DDX60: variants seen among roughly 807,000 people sequenced by gnomAD.
DDX60 encodes the protein probable ATP-dependent RNA helicase DDX60.
In DDX60, 165 loss-of-function variants were observed where a neutral mutation model predicts 212.8. The observed-to-expected ratio is 0.78, with a 90% CI of 0.68 to 0.88. The LOEUF (loss-of-function observed/expected upper bound fraction) is 0.88. Ranked by LOEUF, DDX60 falls within the 40% of genes least tolerant of loss-of-function variation. The pLI is 0.00. For missense variants in DDX60, 1,905 were observed against 2,003.9 expected, an observed-to-expected ratio of 0.95 and a Z score of 0.94; for synonymous variants, 703 against 685.3, an observed-to-expected ratio of 1.03 and a Z score of -0.40.
chr4:168,217,566 G>T (rs1237414902), intron 37 of DDX60, among the ~76,000 whole-genome samples: 1 of 152,178 alleles, frequency 6.6e-6, no homozygotes, highest in Non-Finnish European at 1.5e-5. Flanking sequence ...AGGTTACATG[G>T]CAAAGGGGAA....
At chr4:168,260,281 C>A (rs1485505335) in intron 25 of DDX60, among the ~76,000 whole-genome samples, 1 of 152,140 alleles carries the variant, frequency 6.6e-6, no homozygotes, top group East Asian at 1.9e-4. Context: ...CACCCCACAA[C>A]AGGCCCCGGT....
At chr4:168,296,874 CTTT>C (rs35177897) in intron 6 of DDX60, among the ~76,000 whole-genome samples, 9 of 134,760 alleles carry the variant, frequency 6.7e-5, no homozygotes, top group Admixed American at 1.5e-4. Context: ...AAAAAGTGAT[CTTT>C]TTTTTTTTTT....
chr4:168,270,858 CT>C (rs200092171), intron 19 of DDX60, among the ~76,000 whole-genome samples: 9,954 of 145,198 alleles, frequency 0.069, 622 homozygotes, highest in African/African-American at 0.16. Context: ...AATATTCCCC[CT>C]TTTTTTTCTT....
upstream of DDX60, chr4:168,318,906 C>T (rs1477683061): frequency 1.3e-5 from 2 of 152,214 alleles, no homozygotes; most frequent in African/African-American, 4.8e-5. Context: ...CAATCAGAAT[C>T]TTAAGAAGGG....
At chr4:168,283,340 C>T (rs1338058858) in intron 13 of DDX60, 106 bp downstream of exon 13, 2 of 924,822 alleles carry the variant, frequency 2.2e-6, no homozygotes, top group African/African-American at 1.7e-5. Context: ...ATATAAATAT[C>T]AAGAAAAGGC....
chr4:168,324,791 T>A, the DDX60 span, among the ~76,000 whole-genome samples: 12 of 152,204 alleles, frequency 7.9e-5, no homozygotes, highest in Admixed American at 5.2e-4. Context: ...CTTGAATGAG[T>A]ATCCCAAATG....
At chr4:168,267,419 A>C (rs1188972817) in intron 22 of DDX60, among the ~76,000 whole-genome samples, 163 bp downstream of exon 22, 1 of 152,212 alleles carries the variant, frequency 6.6e-6, no homozygotes, top group Admixed American at 6.5e-5. Context: ...AGAATTAGAA[A>C]GAATACTCTT....
Position 168,216,695 on chromosome 4 carries a change from T to G in DDX60, c.*238A>C. 1 of 333,982 alleles carries G rather than the reference T, an allele frequency of 3.0e-6. No individual in the cohort carries two copies. Among genetic ancestry groups the G allele is most frequent in the Non-Finnish European group, 5.4e-6 (1 of 186,640 alleles). The allele number at this position is 333,982 out of a possible 1,614,324, so 20.7% of individuals were successfully genotyped here. On this transcript the variant is annotated 3_prime_UTR_variant, in exon 38 of 38. Transcript: ENST00000393743. ...CTACCTGAGATGTAACCATTATTAC[T>G]CAGTTATAAAAAGAAACCAAGATTC...
intron 25 of DDX60, among the ~76,000 whole-genome samples, chr4:168,260,361 G>A (rs1326245820): frequency 3.3e-5 from 5 of 152,172 alleles, no homozygotes; most frequent in South Asian, 2.1e-4. Context: ...GAGAACATGC[G>A]GTTTTTAAAC....
intron 6 of DDX60, 45 bp downstream of exon 6, chr4:168,302,255 T>G (rs1736677257): frequency 1.9e-6 from 2 of 1,078,930 alleles, no homozygotes; most frequent in Middle Eastern, 2.8e-4. Context: ...TTTCTATAAC[T>G]AAAAACTTAG....
intron 30 of DDX60, among the ~76,000 whole-genome samples, chr4:168,239,211 T>C (rs1372426086): frequency 2.0e-5 from 3 of 151,914 alleles, no homozygotes; most frequent in Admixed American, 6.6e-5. Flanking sequence ...GTGGAAAATA[T>C]AGAGAAAATA....
chr4:168,231,781 G>A (rs192073142), intron 33 of DDX60, among the ~76,000 whole-genome samples: 291 of 152,120 alleles, frequency 1.9e-3, no homozygotes, highest in Non-Finnish European at 3.8e-3. Context: ...AAAGTAGAAA[G>A]CATTCTCCCT....
intron 25 of DDX60, among the ~76,000 whole-genome samples, chr4:168,259,211 T>A (rs1261110748): frequency 6.6e-6 from 1 of 152,218 alleles, no homozygotes; most frequent in African/African-American, 2.4e-5. Context: ...GTGGTAGAAG[T>A]AAAATTTTGC....
At chr4:168,238,236 C>CA (rs57638327) in intron 30 of DDX60, among the ~76,000 whole-genome samples, 24,901 of 79,036 alleles carry the variant, frequency 0.32, 2,541 homozygotes, top group Non-Finnish European at 0.4. Flanking sequence ...TATGAAATTC[C>CA]AAAAAAAAAA....
At chr4:168,240,470 T>C (rs1406798901) in intron 30 of DDX60, among the ~76,000 whole-genome samples, 1 of 152,092 alleles carries the variant, frequency 6.6e-6, no homozygotes, top group African/African-American at 2.4e-5. Context: ...AGAAAAAAAC[T>C]ATTTTAAAAT....
At chr4:168,290,186 T>A (rs2149533783) in intron 8 of DDX60, among the ~76,000 whole-genome samples, 1 of 152,302 alleles carries the variant, frequency 6.6e-6, no homozygotes, top group Non-Finnish European at 1.5e-5. Flanking sequence ...TCCTTGGTTA[T>A]GCCATCCTCG....
intron 19 of DDX60, among the ~76,000 whole-genome samples, 199 bp downstream of exon 19, chr4:168,271,843 TC>T (rs1041332468): frequency 6.6e-6 from 1 of 152,002 alleles, no homozygotes; most frequent in African/African-American, 2.4e-5. Flanking sequence ...GCAGGGTGCA[TC>T]ATTTTACCCT....
Position 168,275,401 on chromosome 4 carries a change from C to T in DDX60, c.2248G>A (p.Asp750Asn). ...LQYMGHYLIR[D>N]ERKDPDPRVQ... Reference sequence around the variant, plus strand: ...CTGGGATCTGGGTCTTTTCTCTCATCTCGTATCAAATAATGGCCCATGTAT... The same window carrying T: ...CTGGGATCTGGGTCTTTTCTCTCATTTCGTATCAAATAATGGCCCATGTAT... Residue 750 changes from aspartate (D) to asparagine (N), a missense_variant, in exon 16 of 38, where the codon GAT (aspartate) becomes AAT (asparagine). Asp to Asn is a conservative substitution (Grantham distance 23). Transcript: ENST00000393743. 1.9e-6 allele frequency: 3 copies of T among 1,612,930 alleles called. No individual in the cohort carries two copies. Among genetic ancestry groups the T allele is most frequent in the Non-Finnish European group, 2.5e-6 (3 of 1,179,438 alleles).
At chr4:168,301,970 A>G (rs1009501724) in intron 6 of DDX60, among the ~76,000 whole-genome samples, 2 of 152,232 alleles carry the variant, frequency 1.3e-5, no homozygotes. Flanking sequence ...GTCATGAAAG[A>G]CAAGAAAAGA....
Sources: allele counts gnomAD v4.1 joint callset (sites outside exome capture counted in the v4.1 genomes callset), GRCh38; gene constraint gnomAD v4.1.1; transcripts MANE v1.5; gene names NCBI Gene and HGNC (gene_info 2026-07-23, HGNC 2026-07-21).